The following DLEU7 variants were observed in gnomAD, a reference collection of about 807,000 sequenced individuals.
The protein encoded by DLEU7 is leukemia-associated protein 7.
A neutral mutation model predicts 16.0 loss-of-function variants in DLEU7; 17 were observed. The ratio of observed to expected loss-of-function variants is 1.06; its 90% CI spans 0.73 to 1.59. DLEU7 has a LOEUF of 1.59. Ranked by LOEUF, DLEU7 falls within the 40% of genes most tolerant of loss-of-function variation. The pLI is 0.00. For synonymous variants in DLEU7, 113 were observed against 139.8 expected, an observed-to-expected ratio of 0.81 and a Z score of 1.35; for missense variants, 308 against 314.9, an observed-to-expected ratio of 0.98 and a Z score of 0.17.
chr13:50,773,101 T>C (rs943963967), intron 1 of DLEU7, among the ~76,000 whole-genome samples: 1 of 152,202 alleles, frequency 6.6e-6, no homozygotes, highest in African/African-American at 2.4e-5. Context: ...TCTCGTGCCG[T>C]GGTTTTCAGC....
chr13:50,767,681 T>C (rs1025328020), intron 1 of DLEU7, among the ~76,000 whole-genome samples: 10 of 151,996 alleles, frequency 6.6e-5, no homozygotes, highest in Non-Finnish European at 1.0e-4. Context: ...CATCACCAAA[T>C]AGGTGGTGAG....
At chr13:50,824,320 A>G (rs1451725824) in intron 1 of DLEU7, among the ~76,000 whole-genome samples, 3 of 152,180 alleles carry the variant, frequency 2.0e-5, no homozygotes, top group Non-Finnish European at 4.4e-5. Context: ...ATTCCACATC[A>G]AAGATAATGC....
At chr13:50,769,018 C>T (rs1327356149) in intron 1 of DLEU7, among the ~76,000 whole-genome samples, 1 of 152,176 alleles carries the variant, frequency 6.6e-6, no homozygotes, top group Admixed American at 6.5e-5. Context: ...TTTTGATTTG[C>T]ATTTCTCTGA....
At chr13:50,801,268 A>G (rs1206309670) in intron 1 of DLEU7, among the ~76,000 whole-genome samples, 1 of 152,094 alleles carries the variant, frequency 6.6e-6, no homozygotes, top group Admixed American at 6.6e-5. Flanking sequence ...CGGTAGCTGA[A>G]GCTGCATAAC....
chr13:50,779,918 C>T (rs1875605540), intron 1 of DLEU7, among the ~76,000 whole-genome samples: 1 of 152,056 alleles, frequency 6.6e-6, no homozygotes, highest in Non-Finnish European at 1.5e-5. Context: ...CCTCCCAGAA[C>T]TGAGAGCTCT....
rs148771665 is a variant in DLEU7, at chr13:50,834,759, A to T, written c.459+8429T>A. Among the ~76,000 whole-genome samples the T allele has an allele frequency of 3.9e-3, 600 of 152,288 alleles. 13 individuals carry two copies. In the South Asian group the frequency reaches 0.049, roughly 12 times the overall value. ...CATGCACATGTATGTTTATTGCAGC[A>T]CTATTCACAATAGCAAAGACTTGGA... On this transcript the variant is annotated intron_variant, in intron 1 of 1. Transcript: ENST00000504404.
chr13:50,787,182 G>A (rs1875811881), intron 1 of DLEU7, among the ~76,000 whole-genome samples: 1 of 152,132 alleles, frequency 6.6e-6, no homozygotes, highest in African/African-American at 2.4e-5. Context: ...AACAGTGCCT[G>A]GCGTTTACTT....
intron 1 of DLEU7, among the ~76,000 whole-genome samples, chr13:50,759,671 C>G (rs1874868068): frequency 6.6e-6 from 1 of 152,154 alleles, no homozygotes; most frequent in African/African-American, 2.4e-5. Context: ...TCCATTCTTT[C>G]CCAGTGGAAA....
intron 1 of DLEU7, 80 bp from the exon 2 acceptor site, chr13:50,823,600 A>T: frequency 6.8e-7 from 1 of 1,473,502 alleles, no homozygotes; most frequent in Non-Finnish European, 9.1e-7. Context: ...CCCAGCTTCC[A>T]TTCTTTTCTC....
At chr13:50,799,614 G>A (rs1876194397) in intron 1 of DLEU7, among the ~76,000 whole-genome samples, 1 of 152,204 alleles carries the variant, frequency 6.6e-6, no homozygotes, top group East Asian at 1.9e-4. Flanking sequence ...AGTTGCTACT[G>A]TAGTAGCAGG....
intron 1 of DLEU7, among the ~76,000 whole-genome samples, chr13:50,779,307 C>T (rs55873438): frequency 0.024 from 3,696 of 152,244 alleles, 128 homozygotes; most frequent in South Asian, 0.09. Flanking sequence ...TTCTTAAGTA[C>T]TAGATAGCTG....
chr13:50,842,369 C>A (rs1877693986), intron 1 of DLEU7, among the ~76,000 whole-genome samples: 2 of 152,186 alleles, frequency 1.3e-5, no homozygotes, highest in African/African-American at 4.8e-5. Context: ...TGGTCAAAAT[C>A]TGAAAGCCAG....
intron 1 of DLEU7, among the ~76,000 whole-genome samples, chr13:50,763,644 T>C (rs1342855141): frequency 6.6e-6 from 1 of 152,164 alleles, no homozygotes; most frequent in Non-Finnish European, 1.5e-5. Flanking sequence ...CTGAATGAAA[T>C]ACTCAGCCAG....
rs554811302 is a variant in DLEU7 at position 50,790,356 on chromosome 13, G to A, written c.459+52832C>T. ...GGGGAGGGAGTTGTGTGTGAGAGAA[G>A]TTTGTTTTCCTTCTCCCAAATCCTT... On this transcript the variant is annotated intron_variant, in intron 1 of 1. Transcript: ENST00000400393. Among the ~76,000 whole-genome samples the A allele has an allele frequency of 3.3e-5, 5 of 152,288 alleles. No homozygotes were observed. In the South Asian group the frequency reaches 1.0e-3, roughly 32 times the overall value.
chr13:50,751,762 C>T (rs1161865367), intron 1 of DLEU7, among the ~76,000 whole-genome samples: 3 of 152,050 alleles, frequency 2.0e-5, no homozygotes, highest in East Asian at 1.9e-4. Flanking sequence ...TGTATTTCAG[C>T]GATGTCAGTT....
At chr13:50,738,596 C>A (rs1874152026) in intron 1 of DLEU7, among the ~76,000 whole-genome samples, 4 of 152,030 alleles carry the variant, frequency 2.6e-5, no homozygotes, top group Admixed American at 2.6e-4. Flanking sequence ...AAGTTCTTCC[C>A]ATGCCAACAA....
intron 1 of DLEU7, among the ~76,000 whole-genome samples, chr13:50,716,230 T>C (rs902939604): frequency 6.6e-6 from 1 of 152,214 alleles, no homozygotes; most frequent in African/African-American, 2.4e-5. Flanking sequence ...TCTAGCAATG[T>C]GTAGGTTCTG....
intron 1 of DLEU7, among the ~76,000 whole-genome samples, chr13:50,761,150 A>G (rs2137745183): frequency 6.6e-6 from 1 of 152,138 alleles, no homozygotes; most frequent in African/African-American, 2.4e-5. Context: ...CTCAGAAAAA[A>G]TCAACCAGAG....
At chr13:50,799,680 G>A (rs1012793300) in intron 1 of DLEU7, among the ~76,000 whole-genome samples, 7 of 152,106 alleles carry the variant, frequency 4.6e-5, no homozygotes, top group East Asian at 3.9e-4. Context: ...TCTACAAGAC[G>A]ACTGCTACAA....
Sources: allele counts gnomAD v4.1 joint callset (sites outside exome capture counted in the v4.1 genomes callset), GRCh38; gene constraint gnomAD v4.1.1; transcripts MANE v1.5; gene names NCBI Gene and HGNC (gene_info 2026-07-23, HGNC 2026-07-21).